MAP4K4: variants seen among roughly 807,000 people sequenced by gnomAD.
MAP4K4 encodes mitogen-activated protein kinase kinase kinase kinase 4.
A neutral mutation model predicts 189.6 loss-of-function variants in MAP4K4; 38 were observed. The observed-to-expected ratio is 0.20, with a 90% CI of 0.15 to 0.26. The LOEUF (loss-of-function observed/expected upper bound fraction) is 0.26, where lower values mean the gene tolerates loss of function less well. Ranked by LOEUF, MAP4K4 falls within the 10% of genes least tolerant of loss-of-function variation. The pLI, the probability that MAP4K4 is intolerant of heterozygous loss-of-function variation, is 1.00. For missense variants in MAP4K4, 1,054 were observed against 1,726.9 expected (o/e 0.61, Z 6.91); for synonymous variants, 610 against 624.3 (o/e 0.98, Z 0.34).
At chr2:101,778,504 C>T (rs960268152) in intron 2 of MAP4K4, among the ~76,000 whole-genome samples, 9 of 151,388 alleles carry the variant, frequency 5.9e-5, no homozygotes, top group Non-Finnish European at 7.4e-5. Context: ...GAGGGGGTGG[C>T]GCTTTGGGGG....
intron 2 of MAP4K4, among the ~76,000 whole-genome samples, chr2:101,748,984 A>C (rs1484469032): frequency 1.4e-5 from 2 of 142,140 alleles, no homozygotes; most frequent in African/African-American, 5.3e-5. Context: ...GGAGAACTAC[A>C]AACCACTGCT....
At chr2:101,824,110 C>A (rs2096233560) in intron 4 of MAP4K4, 57 bp downstream of exon 4, 2 of 146,048 alleles carry the variant, frequency 1.4e-5, no homozygotes, top group Non-Finnish European at 2.2e-5. Flanking sequence ...ATTGTAAGGG[C>A]ATGGCGGGGG....
At chr2:101,716,384 G>A (rs1430999008) in intron 2 of MAP4K4, among the ~76,000 whole-genome samples, 1 of 151,998 alleles carries the variant, frequency 6.6e-6, no homozygotes, top group African/African-American at 2.4e-5. Context: ...CAGAGCTTGC[G>A]GTGAGCCAAG....
chr2:101,892,197 A>AT (rs143370618), exon 33 of MAP4K4: 22,403 of 149,594 alleles, frequency 0.15, 1,741 homozygotes, highest in South Asian at 0.2. Flanking sequence ...CCACATGTTT[A>AT]TTTTTTTTTT....
intron 12 of MAP4K4, among the ~76,000 whole-genome samples, chr2:101,851,061 T>G (rs915333987): frequency 3.9e-5 from 6 of 152,210 alleles, no homozygotes; most frequent in African/African-American, 1.4e-4. Flanking sequence ...CTATTACTAG[T>G]GTAATTTTAT....
At chr2:101,833,648 G>A (rs1390723386) in intron 7 of MAP4K4, among the ~76,000 whole-genome samples, 1 of 151,268 alleles carries the variant, frequency 6.6e-6, no homozygotes, top group Non-Finnish European at 1.5e-5. Flanking sequence ...AATATCATCT[G>A]ATAAGACTTT....
intron 5 of MAP4K4, among the ~76,000 whole-genome samples, chr2:101,827,770 A>G (rs1404008703): frequency 2.0e-5 from 3 of 152,206 alleles, no homozygotes; most frequent in East Asian, 3.8e-4. Flanking sequence ...CATATTGAAC[A>G]TGGGAACTGA....
At chr2:101,726,214 A>G (rs773789562) in intron 2 of MAP4K4, among the ~76,000 whole-genome samples, 7 of 152,198 alleles carry the variant, frequency 4.6e-5, no homozygotes, top group Non-Finnish European at 8.8e-5. Context: ...GCAGCTATTC[A>G]CTTTGAGAGT....
chr2:101,800,254 C>T (rs576190819), intron 3 of MAP4K4, among the ~76,000 whole-genome samples: 2 of 152,244 alleles, frequency 1.3e-5, no homozygotes, highest in African/African-American at 4.8e-5. Flanking sequence ...CTCAGCTTCC[C>T]GAGTAACTGG....
intron 11 of MAP4K4, among the ~76,000 whole-genome samples, chr2:101,843,013 T>G (rs2096967219): frequency 6.6e-6 from 1 of 152,150 alleles, no homozygotes; most frequent in South Asian, 2.1e-4. Context: ...CCATTTCTTG[T>G]GGTATATAGA....
chr2:101,724,821 G>A (rs2054321795), intron 2 of MAP4K4, among the ~76,000 whole-genome samples: 1 of 152,140 alleles, frequency 6.6e-6, no homozygotes, highest in South Asian at 2.1e-4. Context: ...GCCAGGTTTG[G>A]GAAGTATAGT....
At chr2:101,764,226 CAT>C (rs1194157869) in intron 2 of MAP4K4, among the ~76,000 whole-genome samples, 6 of 151,984 alleles carry the variant, frequency 3.9e-5, no homozygotes, top group Non-Finnish European at 7.4e-5. Flanking sequence ...GAGTGTCAAA[CAT>C]ATGTAGCATT....
At chr2:101,724,027 A>G (rs943617438) in intron 2 of MAP4K4, among the ~76,000 whole-genome samples, 1 of 152,128 alleles carries the variant, frequency 6.6e-6, no homozygotes, top group African/African-American at 2.4e-5. Context: ...GAAAACCTCA[A>G]TCATGTTTCC....
At chr2:101,814,874 G>A (rs892469422) in intron 3 of MAP4K4, among the ~76,000 whole-genome samples, 1 of 152,212 alleles carries the variant, frequency 6.6e-6, no homozygotes, top group Non-Finnish European at 1.5e-5. Context: ...GAAGAATGAG[G>A]GAAAAGGTAA....
intron 8 of MAP4K4, 90 bp from the exon 9 acceptor site, chr2:101,835,810 A>C: frequency 2.4e-6 from 2 of 847,538 alleles, no homozygotes; most frequent in Non-Finnish European, 4.0e-6. Flanking sequence ...ACGATGGGCC[A>C]GAGCATTTCA....
chr2:101,807,543 A>C (rs769960604), intron 3 of MAP4K4, among the ~76,000 whole-genome samples: 13 of 152,192 alleles, frequency 8.5e-5, no homozygotes, highest in Non-Finnish European at 1.6e-4. Flanking sequence ...CTACATGACC[A>C]AAGATGCTTT....
chr2:101,784,546 A>G (rs1416829613), intron 2 of MAP4K4, among the ~76,000 whole-genome samples: 5 of 152,182 alleles, frequency 3.3e-5, no homozygotes, highest in Admixed American at 3.3e-4. Flanking sequence ...TTATGATGAG[A>G]TAAAGATGGG....
At chr2:101,758,968 C>T (rs946356193) in intron 2 of MAP4K4, among the ~76,000 whole-genome samples, 2 of 151,842 alleles carry the variant, frequency 1.3e-5, no homozygotes, top group African/African-American at 2.4e-5. Context: ...CGCGTCTCTA[C>T]TAAAAATACA....
rs1030706530 is a variant in MAP4K4, at chr2:101,706,208, G to A, written c.123+7670G>A. ...ATTTATTGCTATATTTGTAAATTATGTACTTATGTGGCTAGTTCATTTATC... is the reference window on the plus strand; with the variant it reads ...ATTTATTGCTATATTTGTAAATTATATACTTATGTGGCTAGTTCATTTATC... On this transcript the variant is annotated intron_variant, in intron 2 of 32. Transcript: ENST00000324219. Among the ~76,000 whole-genome samples, 15 of 152,182 alleles carry A rather than the reference G, an allele frequency of 9.9e-5. No individual in the cohort carries two copies. The East Asian group carries it at 2.9e-3, about 29-fold the overall frequency.
Sources: allele counts gnomAD v4.1 joint callset (sites outside exome capture counted in the v4.1 genomes callset), GRCh38; gene constraint gnomAD v4.1.1; transcripts MANE v1.5; gene names NCBI Gene and HGNC (gene_info 2026-07-23, HGNC 2026-07-21).